LRMDA: variants seen among roughly 807,000 people sequenced by gnomAD.
The protein encoded by LRMDA is leucine rich melanocyte differentiation associated, also known as leucine-rich melanocyte differentiation-associated protein.
LRMDA carries 18 observed loss-of-function variants against 29.8 expected under a neutral mutation model. The ratio of observed to expected loss-of-function variants is 0.60; its 90% CI spans 0.42 to 0.90. LRMDA has a LOEUF of 0.90. Among genes scored for constraint, LRMDA ranks in the 40% least tolerant of loss-of-function variants. The pLI is 0.00. For missense variants in LRMDA, 273 were observed against 273.9 expected (o/e 1.00, Z 0.02); for synonymous variants, 125 against 109.4 (o/e 1.14, Z -0.89).
intron 2 of LRMDA, among the ~76,000 whole-genome samples, chr10:75,964,928 C>A (rs1846831019): frequency 6.6e-6 from 1 of 152,174 alleles, no homozygotes; most frequent in Non-Finnish European, 1.5e-5. Flanking sequence ...CCACACCTGG[C>A]TAATTTTTGT....
rs533673001 is a variant in LRMDA, at chr10:75,505,787, T to C, written c.131+67293T>C. The stretch of plus-strand genomic sequence containing the variant: ...CCTTTAGGTGAATTTTTAACACTTA[T>C]TGCCCCTGTCACCACATGGTGTAAT... On this transcript the variant is annotated intron_variant, in intron 2 of 6. Transcript: ENST00000611255. Among the ~76,000 whole-genome samples, 8 of 152,306 alleles carry C rather than the reference T, an allele frequency of 5.3e-5. No individual in the cohort carries two copies. The South Asian group carries it at 1.7e-3, about 32-fold the overall frequency.
At chr10:76,545,638 TTTATTATTATTATTATTA>T (rs143193002) in intron 6 of LRMDA, among the ~76,000 whole-genome samples, 2 of 143,776 alleles carry the variant, frequency 1.4e-5, no homozygotes, top group Non-Finnish European at 1.5e-5. Flanking sequence ...GGAACAACCT[TTTATTATTATTATTATTA>T]TTATTATTAT....
At chr10:76,212,264 C>CACAT (rs1186783620) in intron 5 of LRMDA, among the ~76,000 whole-genome samples, 9 of 142,824 alleles carry the variant, frequency 6.3e-5, no homozygotes, top group African/African-American at 2.2e-4. Flanking sequence ...CACACACACA[C>CACAT]ACATAAAAAA....
At chr10:75,947,219 G>A (rs777400559) in intron 2 of LRMDA, among the ~76,000 whole-genome samples, 9 of 152,194 alleles carry the variant, frequency 5.9e-5, no homozygotes, top group Non-Finnish European at 1.0e-4. Flanking sequence ...TATCTGACCA[G>A]TCTTGACCTA....
At chr10:76,376,350 T>C (rs1488799687) in intron 6 of LRMDA, among the ~76,000 whole-genome samples, 1 of 152,148 alleles carries the variant, frequency 6.6e-6, no homozygotes, top group Non-Finnish European at 1.5e-5. Flanking sequence ...TAAGTAGTAT[T>C]CCATAATATA....
At chr10:75,472,077 C>G (rs143158968) in intron 2 of LRMDA, among the ~76,000 whole-genome samples, 247 of 152,276 alleles carry the variant, frequency 1.6e-3, no homozygotes, top group African/African-American at 5.5e-3. Context: ...AGTCCCAAAT[C>G]CATTCTCTAT....
intron 2 of LRMDA, among the ~76,000 whole-genome samples, chr10:75,536,549 C>T (rs931529826): frequency 6.6e-6 from 1 of 152,132 alleles, no homozygotes; most frequent in African/African-American, 2.4e-5. Context: ...CCTGCTCCAC[C>T]CACTTGCTAT....
intron 2 of LRMDA, among the ~76,000 whole-genome samples, chr10:75,492,052 A>T (rs1844994709): frequency 6.6e-6 from 1 of 152,222 alleles, no homozygotes; most frequent in Non-Finnish European, 1.5e-5. Flanking sequence ...CAGGACACAG[A>T]ACTGAGCAGA....
At chr10:76,247,607 C>T (rs981694193) in intron 5 of LRMDA, among the ~76,000 whole-genome samples, 1 of 152,166 alleles carries the variant, frequency 6.6e-6, no homozygotes, top group African/African-American at 2.4e-5. Flanking sequence ...TTTATTCTAT[C>T]CCTGTATGCA....
chr10:76,159,859 T>C (rs1233088313), intron 5 of LRMDA, among the ~76,000 whole-genome samples: 3 of 152,020 alleles, frequency 2.0e-5, no homozygotes, highest in East Asian at 1.9e-4. Context: ...AGAGCAGTGG[T>C]TGTCAGGTGT....
rs532176765 is a variant in LRMDA at position 75,946,392 on chromosome 10, G to C, written c.132-89616G>C. ...CCAAATGTCACTGTGCCCCTGTGCA[G>C]GGAGACATGGAGCATCTGACTGCAC... is the stretch of plus-strand genomic sequence containing the variant. On this transcript the variant is annotated intron_variant, in intron 2 of 6. Transcript: ENST00000611255. Among the ~76,000 whole-genome samples the C allele has an allele frequency of 2.6e-5, 4 of 152,332 alleles. No individual in the cohort carries two copies. In the South Asian group the frequency reaches 8.3e-4, roughly 32 times the overall value.
At chr10:76,290,842 T>C (rs950532839) in intron 5 of LRMDA, among the ~76,000 whole-genome samples, 4 of 152,196 alleles carry the variant, frequency 2.6e-5, no homozygotes, top group Non-Finnish European at 5.9e-5. Context: ...TAGTATATAA[T>C]GAAGAGATGA....
intron 3 of LRMDA, among the ~76,000 whole-genome samples, chr10:76,045,817 G>A (rs937849704): frequency 3.3e-5 from 5 of 152,112 alleles, no homozygotes; most frequent in Admixed American, 2.0e-4. Context: ...GTGCTATGTC[G>A]TGGTGATTGC....
chr10:76,108,269 G>C (rs1849520595), intron 5 of LRMDA, among the ~76,000 whole-genome samples: 1 of 152,098 alleles, frequency 6.6e-6, no homozygotes, highest in Non-Finnish European at 1.5e-5. Context: ...GAGTCACTGG[G>C]GCAGCTACCC....
At chr10:75,847,825 C>T (rs1051954210) in intron 2 of LRMDA, among the ~76,000 whole-genome samples, 1 of 152,124 alleles carries the variant, frequency 6.6e-6, no homozygotes, top group South Asian at 2.1e-4. Context: ...AAAGATTCAT[C>T]ACTAATCATA....
intron 2 of LRMDA, among the ~76,000 whole-genome samples, chr10:75,636,863 G>A (rs1191601278): frequency 6.7e-6 from 1 of 149,708 alleles, no homozygotes; most frequent in African/African-American, 2.5e-5. Flanking sequence ...TTTTTAACTT[G>A]TTTATTGGGT....
At chr10:75,564,823 C>G (rs1840349255) in intron 2 of LRMDA, among the ~76,000 whole-genome samples, 1 of 152,158 alleles carries the variant, frequency 6.6e-6, no homozygotes, top group African/African-American at 2.4e-5. Flanking sequence ...GCCTAGACAT[C>G]TATATTTTTC....
In LRMDA at chr10:75,730,795, C is replaced by CTT. The variant is rs112066467; in HGVS notation, c.131+292308_131+292309dup. Among the ~76,000 whole-genome samples, 21 of 151,906 alleles carry CTT rather than the reference C, an allele frequency of 1.4e-4. No homozygotes were observed. The South Asian group carries it at 4.4e-3, about 32-fold the overall frequency. On this transcript the variant is annotated intron_variant, in intron 2 of 6. Coordinates refer to ENST00000611255, the MANE Select transcript of LRMDA (RefSeq NM_001305581.2). ...ATATGGATCTTAAGCCTTGAACCTT[C>CTT]TTTTTTTTGAAGAAAGAAAATTAAT...
At chr10:75,706,868 T>C (rs1055930246) in intron 2 of LRMDA, among the ~76,000 whole-genome samples, 1 of 151,898 alleles carries the variant, frequency 6.6e-6, no homozygotes, top group Non-Finnish European at 1.5e-5. Context: ...GACATGTAGA[T>C]AGATGAAGTG....
Sources: gnomAD v4.1 joint callset for allele counts (sites outside exome capture counted in the v4.1 genomes callset) on GRCh38, gnomAD v4.1.1 for gene constraint, MANE v1.5 for transcripts, NCBI Gene and HGNC (gene_info 2026-07-23, HGNC 2026-07-21) for gene names.